The following RHBDL2 variants were observed in gnomAD, a reference collection of about 807,000 sequenced individuals.
RHBDL2 encodes the protein rhomboid like 2.
Under a neutral mutation model 31.7 loss-of-function variants are expected in RHBDL2, and 26 were observed. The ratio of observed to expected loss-of-function variants is 0.82; its 90% CI spans 0.60 to 1.14. The LOEUF (loss-of-function observed/expected upper bound fraction) is 1.14. Ranked by LOEUF, RHBDL2 falls within the 50% of genes most tolerant of loss-of-function variation. The pLI, the probability that RHBDL2 is intolerant of heterozygous loss-of-function variation, is 0.00. For missense variants in RHBDL2, 336 were observed against 364.4 expected, an observed-to-expected ratio of 0.92 and a Z score of 0.63; for synonymous variants, 123 against 127.2, an observed-to-expected ratio of 0.97 and a Z score of 0.22.
At chr1:38,926,281 C>T (rs1643373862) in intron 1 of RHBDL2, 4 of 929,098 alleles carry the variant, frequency 4.3e-6, no homozygotes, top group Non-Finnish European at 5.2e-6. Flanking sequence ...AGCATGGCAT[C>T]CAGCATCCAA....
At chr1:38,932,175 A>G (rs1417249689) in intron 1 of RHBDL2, among the ~76,000 whole-genome samples, 1 of 152,118 alleles carries the variant, frequency 6.6e-6, no homozygotes, top group Non-Finnish European at 1.5e-5. Context: ...GCCATGTAGA[A>G]GAGCACAAAA....
intron 1 of RHBDL2, chr1:38,926,314 G>C (rs1047865): frequency 0.69 from 436,521 of 630,160 alleles, 152,153 homozygotes; most frequent in Non-Finnish European, 0.71. Context: ...CTGTGACAAA[G>C]GCAGCAGCAC....
intron 4 of RHBDL2, among the ~76,000 whole-genome samples, chr1:38,907,494 C>G (rs549740836): frequency 6.6e-6 from 1 of 152,136 alleles, no homozygotes; most frequent in Non-Finnish European, 1.5e-5. Context: ...GAGCCGAGAT[C>G]GCGCCATCGC....
At position 38,919,343 on chromosome 1, in the gene RHBDL2, T is replaced by G. The variant is rs769029740; in HGVS notation, c.-125-6A>C. The G allele has an allele frequency of 6.3e-7, 1 of 1,579,446 alleles. No homozygotes were observed. Among genetic ancestry groups the G allele is most frequent in the East Asian group, 2.2e-5 (1 of 44,478 alleles). Reference sequence around the variant, plus strand: ...ACTGCTTTCCAAGGCCTTTCCTGTATGTGAAGAGAAGACAGCTGAAGATGA... The same window carrying G: ...ACTGCTTTCCAAGGCCTTTCCTGTAGGTGAAGAGAAGACAGCTGAAGATGA... On this transcript the variant is annotated splice_polypyrimidine_tract_variant and splice_region_variant and intron_variant, in intron 1 of 7. Transcript: ENST00000372990.
At chr1:38,921,267 A>G (rs1053904398) in intron 1 of RHBDL2, among the ~76,000 whole-genome samples, 2 of 152,236 alleles carry the variant, frequency 1.3e-5, no homozygotes, top group African/African-American at 2.4e-5. Flanking sequence ...CTGTACTTCC[A>G]GCTGAAGGAA....
In RHBDL2 at chr1:38,894,707, C is replaced by CTTTT. The variant is rs71057159; in HGVS notation, c.609+1258_609+1261dup. On this transcript the variant is annotated intron_variant, in intron 5 of 7. Coordinates refer to ENST00000372990, the MANE Select transcript of RHBDL2 (RefSeq NM_017821.5). ...TCTTTTCTTTTTTTTCTTTTTTTTT[C>CTTTT]TTTTTTTTTTTTTTTTTTGAGACAG... is the stretch of plus-strand genomic sequence containing the variant. Among the ~76,000 whole-genome samples the CTTTT allele has an allele frequency of 8.9e-4, 101 of 114,110 alleles. 2 individuals carry two copies. Among genetic ancestry groups the CTTTT allele is most frequent in the Non-Finnish European group, 1.3e-3 (76 of 59,486 alleles). The allele number at this position is 114,110 out of a possible 152,430, so 74.9% of individuals were successfully genotyped here. A position where few individuals can be genotyped will look rare whatever the true frequency, so the allele number is the denominator to read the frequency against.
rs967826045 is a variant in RHBDL2, at chr1:38,933,601, C to T, written c.-126+8081G>A. Among the ~76,000 whole-genome samples the T allele has an allele frequency of 3.9e-5, 6 of 152,138 alleles. No homozygotes were observed. In the South Asian group the frequency reaches 1.2e-3, roughly 31 times the overall value. ...AGGAGTCAGAAAATCCTGGTCCTTG[C>T]TCCAATTCTGCCCCTGCTTACCTAC... On this transcript the variant is annotated intron_variant, in intron 1 of 7. Coordinates refer to ENST00000372990, the MANE Select transcript of RHBDL2 (RefSeq NM_017821.5).
chr1:38,915,532 G>A, intron 3 of RHBDL2, 30 bp downstream of exon 3: 1 of 1,610,800 alleles, frequency 6.2e-7, no homozygotes, highest in Non-Finnish European at 8.5e-7. Flanking sequence ...AATCACCTCT[G>A]ATACCAGGGG....
At chr1:38,920,861 C>T (rs1015200265) in intron 1 of RHBDL2, among the ~76,000 whole-genome samples, 8 of 149,748 alleles carry the variant, frequency 5.3e-5, no homozygotes, top group African/African-American at 9.8e-5. Flanking sequence ...GTGATCCGCC[C>T]GCCTCGGCCT....
chr1:38,918,717 C>A (rs1643270295), intron 2 of RHBDL2, among the ~76,000 whole-genome samples: 1 of 152,178 alleles, frequency 6.6e-6, no homozygotes, highest in Admixed American at 6.6e-5. Flanking sequence ...ACTGAAATTG[C>A]AGCCACAGCT....
At chr1:38,935,087 G>T (rs890952596) in intron 1 of RHBDL2, among the ~76,000 whole-genome samples, 1 of 152,052 alleles carries the variant, frequency 6.6e-6, no homozygotes, top group African/African-American at 2.4e-5. Flanking sequence ...CTTTGTTAGA[G>T]ACATGTTTTA....
chr1:38,928,344 G>A (rs1490061999), intron 1 of RHBDL2, among the ~76,000 whole-genome samples: 4 of 151,644 alleles, frequency 2.6e-5, no homozygotes, highest in East Asian at 2.0e-4. Flanking sequence ...GGGTTTCACC[G>A]TATTAGCCAG....
At chr1:38,924,627 G>C (rs7525636) in intron 1 of RHBDL2, among the ~76,000 whole-genome samples, 145,072 of 151,874 alleles carry the variant, frequency 0.96, 69,296 homozygotes, top group African/African-American at 0.96. Context: ...AAGGAACTTT[G>C]CTACTTCCTG....
intron 1 of RHBDL2, among the ~76,000 whole-genome samples, chr1:38,932,729 G>A (rs781121961): frequency 6.6e-6 from 1 of 152,196 alleles, no homozygotes; most frequent in African/African-American, 2.4e-5. Context: ...TGAAGTGCTG[G>A]AATTACAGGC....
intron 4 of RHBDL2, among the ~76,000 whole-genome samples, chr1:38,902,201 C>CTTTTTTTTTTTTTTTTTTTTTTTT (rs770169792): frequency 2.2e-5 from 2 of 92,806 alleles, no homozygotes; most frequent in Non-Finnish European, 4.1e-5. Context: ...TTTTCTTTTT[C>CTTTTTTTTTTTTTTTTTTTTTTTT]TTTTTTTTTT....
chr1:38,904,807 G>A (rs1570921263), intron 4 of RHBDL2, among the ~76,000 whole-genome samples: 3 of 149,846 alleles, frequency 2.0e-5, no homozygotes, highest in South Asian at 4.2e-4. Context: ...CGAGGCGGGC[G>A]GATCACGAGG....
chr1:38,912,910 A>ATATATATATATATATATGTG (rs1399583863), intron 3 of RHBDL2, among the ~76,000 whole-genome samples: 3 of 41,392 alleles, frequency 7.2e-5, no homozygotes, highest in African/African-American at 2.8e-4. Context: ...ATATATATAT[A>ATATATATATATATATATGTG]TGTGTGTGTG....
At chr1:38,906,319 A>C (rs1643066995) in intron 4 of RHBDL2, among the ~76,000 whole-genome samples, 1 of 152,150 alleles carries the variant, frequency 6.6e-6, no homozygotes. Context: ...AATCCCAAGG[A>C]ATCTAAAACA....
chr1:38,910,724 A>G, intron 4 of RHBDL2, among the ~76,000 whole-genome samples: 1 of 151,580 alleles, frequency 6.6e-6, no homozygotes, highest in African/African-American at 2.4e-5. Context: ...CTGTACACCA[A>G]ACTACTTGCA....
Sources: gnomAD v4.1 joint callset for allele counts (sites outside exome capture counted in the v4.1 genomes callset) on GRCh38, gnomAD v4.1.1 for gene constraint, MANE v1.5 for transcripts, NCBI Gene and HGNC (gene_info 2026-07-23, HGNC 2026-07-21) for gene names.